The following MED25 variants were observed in gnomAD, a reference collection of about 807,000 sequenced individuals.
MED25 encodes mediator complex subunit 25.
Under a neutral mutation model 89.4 loss-of-function variants are expected in MED25, and 62 were observed. The observed-to-expected ratio is 0.69, with a 90% CI of 0.57 to 0.86. MED25 has a LOEUF of 0.86. Ranked by LOEUF, MED25 falls within the 40% of genes least tolerant of loss-of-function variation. MED25 has a pLI of 0.00. For synonymous variants in MED25, 449 were observed against 427.9 expected, an observed-to-expected ratio of 1.05 and a Z score of -0.61; for missense variants, 905 against 1,005.2, an observed-to-expected ratio of 0.90 and a Z score of 1.35.
chr19:49,818,877 G>A, intron 2 of MED25: 1 of 589,024 alleles, frequency 1.7e-6, no homozygotes, highest in South Asian at 2.0e-5. Flanking sequence ...GGGAGGAAGG[G>A]CTGGGCGTCT....
chr19:49,828,228 C>CA (rs35999270), intron 3 of MED25, among the ~76,000 whole-genome samples: 4,304 of 115,580 alleles, frequency 0.037, 107 homozygotes, highest in South Asian at 0.12. Flanking sequence ...GACTCCATCT[C>CA]AAAAAAAAAA....
chr19:49,829,645 T>TC lies in MED25; in HGVS notation c.526-140dup, dbSNP rs2123877802. On this transcript the variant is annotated intron_variant, in intron 5 of 17. Coordinates refer to ENST00000312865, the MANE Select transcript of MED25 (RefSeq NM_030973.4). The surrounding 1 kb of genome is among the most constrained non-coding windows in gnomAD (Gnocchi z 4.6). ...GGGCAGGTGATACCTGGTTTCAGGGTCTCCTGCCTCAAAGCCCAATGGGAA... is the reference window on the plus strand; with the variant it reads ...GGGCAGGTGATACCTGGTTTCAGGGTCCTCCTGCCTCAAAGCCCAATGGGAA... 1 of 875,582 alleles carries TC rather than the reference T, an allele frequency of 1.1e-6. No individual in the cohort carries two copies. The allele number at this position is 875,582 out of a possible 1,614,324, so 54.2% of individuals were successfully genotyped here. A position where few individuals can be genotyped will look rare whatever the true frequency, so the allele number is the denominator to read the frequency against.
chr19:49,818,328 G>A lies in MED25; in HGVS notation c.-14G>A, dbSNP rs945390096. ...GCTGCGGCTGCAGTGGTGGTGGCGG[G>A]TACCGCACGGGGTATGGTCCCCGGG... On this transcript the variant is annotated 5_prime_UTR_variant, in exon 1 of 18. Transcript: ENST00000312865. 1 of 1,572,594 alleles carries A rather than the reference G, an allele frequency of 6.4e-7. No individual in the cohort carries two copies. Among genetic ancestry groups the A allele is most frequent in the South Asian group, 1.1e-5 (1 of 88,270 alleles).
At chr19:49,819,825 ATTTTTTTTT>A (rs11288478) in intron 3 of MED25, 1 of 161,226 alleles carries the variant, frequency 6.2e-6, no homozygotes, top group East Asian at 1.8e-4. Context: ...TTGGGTCAGA[ATTTTTTTTT>A]TTTTTTTTGA....
rs376905920 is a variant in MED25, at chr19:49,818,884, G to T, written c.180+268G>T. On this transcript the variant is annotated intron_variant, in intron 2 of 17. Coordinates refer to ENST00000312865, the MANE Select transcript of MED25 (RefSeq NM_030973.4). ...GGGTCTGAGGGAGGAAGGGCTGGGC[G>T]TCTGGACTGCTGGGTCTGAGAAAGG... 7.7e-4 allele frequency: 447 copies of T among 577,370 alleles called. 5 individuals are homozygous for T. The South Asian group carries it at 8.6e-3, about 11-fold the overall frequency. 35.8% of individuals were successfully genotyped at this position (577,370 alleles called of 1,614,324 possible). A position where few individuals can be genotyped will look rare whatever the true frequency, so the allele number is the denominator to read the frequency against.
rs943088398 is a variant in MED25, at chr19:49,830,237, A to G, written c.819+19A>G. 1.2e-6 allele frequency: 2 copies of G among 1,604,964 alleles called. No individual in the cohort carries two copies. Among genetic ancestry groups the G allele is most frequent in the African/African-American group, 1.3e-5 (1 of 74,704 alleles). The stretch of plus-strand genomic sequence containing the variant: ...GTACCAGGTATGGATATTTCCGGGA[A>G]GGGACATGCTTCTGGGGACTTGCTG... On this transcript the variant is annotated intron_variant, in intron 7 of 17. Coordinates refer to ENST00000312865, the MANE Select transcript of MED25 (RefSeq NM_030973.4). The surrounding 1 kb of genome is among the most constrained non-coding windows in gnomAD (Gnocchi z 4.6).
At position 49,836,284 on chromosome 19, in the gene MED25, C is replaced by T. The variant is rs761084337; in HGVS notation, c.2024C>T (p.Ala675Val). 1.2e-6 allele frequency: 2 copies of T among 1,612,278 alleles called. No homozygotes were observed. The highest frequency in any genetic ancestry group is 4.5e-5 in the East Asian group (2 of 44,848). ...ASLHHLQPPGAPALLPPPHQG... is the reference protein window; with the variant it reads ...ASLHHLQPPGVPALLPPPHQG... Reference sequence around the variant, plus strand: ...CTCCACCACCTCCAGCCACCAGGGGCTCCTGCGCTGCTGCCTCCGCCGCAC... The same window carrying T: ...CTCCACCACCTCCAGCCACCAGGGGTTCCTGCGCTGCTGCCTCCGCCGCAC... The change falls in exon 17 of 18, where the codon GCT becomes GTT. Residue 675 changes from alanine (A) to valine (V), a missense_variant. By Grantham distance (64) the Ala-to-Val change is moderately conservative. Coordinates refer to ENST00000312865, the MANE Select transcript of MED25 (RefSeq NM_030973.4). This position sits in a 1 kb window ranked among gnomAD's most constrained non-coding sequence, Gnocchi z 5.1.
chr19:49,837,096 TGG>T, downstream of MED25: 1 of 725,456 alleles, frequency 1.4e-6, no homozygotes, highest in East Asian at 2.7e-5. Context: ...TGAATGACGC[TGG>T]GGCCTCCGTG....
At position 49,836,313 on chromosome 19, in the gene MED25, G is replaced by A. The variant is rs2123889282; in HGVS notation, c.2053G>A (p.Gly685Ser). 7 of 1,611,302 alleles carry A rather than the reference G, an allele frequency of 4.3e-6. No homozygotes were observed. The highest frequency in any genetic ancestry group is 3.3e-4 in the Middle Eastern group (2 of 6,054). The change falls in exon 17 of 18, where the codon GGC becomes AGC. Residue 685 changes from glycine (G) to serine (S), a missense_variant. Transcript: ENST00000312865. This position sits in a 1 kb window ranked among gnomAD's most constrained non-coding sequence, Gnocchi z 5.1. ...APALLPPPHQ[G>S]LGQPQLGPPL... ...TGCGCTGCTGCCTCCGCCGCACCAG[G>A]GCCTGGGGCAGCCCCAGTTGGGGCC...
Position 49,830,868 on chromosome 19 carries a change from A to G in MED25, c.1082A>G (p.Gln361Arg). 2 of 1,610,592 alleles carry G rather than the reference A, an allele frequency of 1.2e-6. No homozygotes were observed. The highest frequency in any genetic ancestry group is 1.7e-6 in the Non-Finnish European group (2 of 1,179,668). Residue 361 changes from glutamine (Q) to arginine (R), a missense_variant, in exon 9 of 18, where the codon CAG (glutamine) becomes CGG (arginine). By Grantham distance (43) the Gln-to-Arg change is conservative. This residue lies in a region of MED25 where 501 missense variants were observed against 526.9 expected (regional missense o/e 0.95). Coordinates refer to ENST00000312865, the MANE Select transcript of MED25 (RefSeq NM_030973.4). This position sits in a 1 kb window ranked among gnomAD's most constrained non-coding sequence, Gnocchi z 4.6. Reference protein sequence around the residue: ...APGSGLAPTAQPGAPSMAGTV... With the variant: ...APGSGLAPTARPGAPSMAGTV... Reference sequence around the variant, plus strand: ...GGCTCCGGCCTGGCTCCCACGGCACAGCCCGGGGCACCGTCCATGGTAGGT... The same window carrying G: ...GGCTCCGGCCTGGCTCCCACGGCACGGCCCGGGGCACCGTCCATGGTAGGT...
intron 3 of MED25, among the ~76,000 whole-genome samples, chr19:49,824,585 G>A (rs1205280706): frequency 1.5e-5 from 2 of 136,076 alleles, no homozygotes; most frequent in South Asian, 2.3e-4. Context: ...ACCCTGTCTC[G>A]GGAAAAAAAA....
At chr19:49,822,623 A>G (rs1433197435) in intron 3 of MED25, among the ~76,000 whole-genome samples, 10 of 137,778 alleles carry the variant, frequency 7.3e-5, no homozygotes, top group African/African-American at 2.2e-4. Context: ...ACGTCATGTC[A>G]TTATTTCTGT....
intron 3 of MED25, among the ~76,000 whole-genome samples, chr19:49,822,296 T>C (rs2073988620): frequency 9.5e-6 from 1 of 105,154 alleles, no homozygotes; most frequent in Non-Finnish European, 1.8e-5. Flanking sequence ...CATACAAAAA[T>C]TAATCAGGTG....
At position 49,835,321 on chromosome 19, in the gene MED25, G is replaced by A; in HGVS notation, c.1674+144G>A. 1 of 1,052,584 alleles carries A rather than the reference G, an allele frequency of 9.5e-7. No homozygotes were observed. The highest frequency in any genetic ancestry group is 1.4e-6 in the Non-Finnish European group (1 of 689,944). The allele number at this position is 1,052,584 out of a possible 1,614,324, so 65.2% of individuals were successfully genotyped here. ...AGCTAAGTCCCACTCAGATTTTCTT[G>A]CAGTCTCTCTCCTTTTTCAGCATCC... On this transcript the variant is annotated intron_variant, in intron 14 of 17. Coordinates refer to ENST00000312865, the MANE Select transcript of MED25 (RefSeq NM_030973.4). This position sits in a 1 kb window ranked among gnomAD's most constrained non-coding sequence, Gnocchi z 6.2.
Position 49,836,128 on chromosome 19 carries a change from C to G in MED25, c.1966-98C>G. ...TCCCCCACCTTTGAAGAAAAACTTCCCCTCACCACTAGCTGATTCCATCTC... is the reference window on the plus strand; with the variant it reads ...TCCCCCACCTTTGAAGAAAAACTTCGCCTCACCACTAGCTGATTCCATCTC... On this transcript the variant is annotated intron_variant, in intron 16 of 17. Transcript: ENST00000312865. This position sits in a 1 kb window ranked among gnomAD's most constrained non-coding sequence, Gnocchi z 5.1. The G allele has an allele frequency of 1.3e-6, 2 of 1,519,978 alleles. No individual in the cohort carries two copies. Among genetic ancestry groups the G allele is most frequent in the Non-Finnish European group, 1.8e-6 (2 of 1,111,002 alleles). 94.2% of individuals were successfully genotyped at this position (1,519,978 alleles called of 1,614,324 possible).
Position 49,829,001 on chromosome 19 carries a change from T to C in MED25, c.436T>C (p.Cys146Arg), listed in dbSNP as rs1266376357. The stretch of plus-strand genomic sequence containing the variant: ...GACGCACCGGGTCTGCCTCCTCATC[T>C]GCAACTCACCCCCATACTTGTTGCC... Reference protein sequence around the residue: ...GQTHRVCLLICNSPPYLLPAV... With the variant: ...GQTHRVCLLIRNSPPYLLPAV... The change falls in exon 5 of 18, where the codon TGC becomes CGC. Residue 146 changes from cysteine (C) to arginine (R), a missense_variant. Physicochemically the swap from Cys to Arg is radical, Grantham distance 180 (BLOSUM62 -3). Around this residue, in one of 3 missense-constraint regions of MED25, gnomAD observed 501 missense variants for 526.9 expected, o/e 0.95. Transcript: ENST00000312865. This position sits in a 1 kb window ranked among gnomAD's most constrained non-coding sequence, Gnocchi z 4.6. 6.2e-7 allele frequency: 1 copy of C among 1,614,046 alleles called. No individual in the cohort carries two copies. The highest frequency in any genetic ancestry group is 1.1e-5 in the South Asian group (1 of 91,090).
At chr19:49,821,616 C>T (rs1034984298) in intron 3 of MED25, among the ~76,000 whole-genome samples, 8 of 149,290 alleles carry the variant, frequency 5.4e-5, no homozygotes, top group Non-Finnish European at 1.0e-4. Flanking sequence ...AAAATACAAG[C>T]AATCATCCTG....
chr19:49,820,929 G>A (rs1263048441), intron 3 of MED25, among the ~76,000 whole-genome samples: 1 of 152,200 alleles, frequency 6.6e-6, no homozygotes, highest in African/African-American at 2.4e-5. Context: ...GATGTGGATA[G>A]TACTTGTATT....
At chr19:49,819,475 G>T in intron 3 of MED25, 179 bp downstream of exon 3, 1 of 667,912 alleles carries the variant, frequency 1.5e-6, no homozygotes. Context: ...GGGTCCCTGC[G>T]AGGGGCCGTG....
Sources: allele counts gnomAD v4.1 joint callset (sites outside exome capture counted in the v4.1 genomes callset), GRCh38; gene constraint gnomAD v4.1.1; regional missense constraint gnomAD v4.1.1; non-coding constraint Gnocchi (gnomAD v3.1); transcripts MANE v1.5; gene names NCBI Gene and HGNC (gene_info 2026-07-23, HGNC 2026-07-21).